Variants in FBXW10B observed in about 807,000 individuals in gnomAD.
FBXW10B encodes the protein F-box and WD repeat domain containing 10B, also known as F-box and WD repeat domain containing protein 10B.
the FBXW10B span, chr17:15,594,483 A>T: frequency 2.2e-6 from 1 of 453,730 alleles, no homozygotes; most frequent in Non-Finnish European, 3.9e-6. Flanking sequence ...AAAAAAAAAA[A>T]AAAATTCAAT....
chr17:15,607,504 G>A, the FBXW10B span: 13 of 1,426,662 alleles, frequency 9.1e-6, no homozygotes, highest in Non-Finnish European at 1.3e-5. Flanking sequence ...CAAAGGTCAG[G>A]GAAATCCCAA....
At chr17:15,603,637 T>G in the FBXW10B span, among the ~76,000 whole-genome samples, 1 of 151,928 alleles carries the variant, frequency 6.6e-6, no homozygotes, top group South Asian at 2.1e-4. Context: ...TGTAAATTAA[T>G]ACAACCACAT....
the FBXW10B span, chr17:15,612,703 T>G: frequency 1.2e-6 from 2 of 1,614,044 alleles, no homozygotes; most frequent in Non-Finnish European, 1.7e-6. Flanking sequence ...GAACCCACCT[T>G]CGTTCTCAAC....
the FBXW10B span, among the ~76,000 whole-genome samples, chr17:15,593,716 C>T: frequency 0.18 from 27,229 of 151,332 alleles, 2,806 homozygotes; most frequent in African/African-American, 0.27. Flanking sequence ...GCAACCTGCA[C>T]CTACCAGACA....
At chr17:15,596,348 G>A in the FBXW10B span, 12 of 607,756 alleles carry the variant, frequency 2.0e-5, no homozygotes, top group Non-Finnish European at 2.5e-5. Context: ...ACCCTCCACG[G>A]ACTCTGAATG....
At chr17:15,577,443 TGTGAGCTGTGAC>T in the FBXW10B span, among the ~76,000 whole-genome samples, 1 of 152,248 alleles carries the variant, frequency 6.6e-6, no homozygotes. Context: ...TTTCAAGCGT[TGTGAGCTGTGAC>T]AGTATTCCTA....
the FBXW10B span, chr17:15,612,736 G>A: frequency 1.2e-5 from 19 of 1,613,798 alleles, no homozygotes; most frequent in South Asian, 2.2e-5. Context: ...TGTTTCACAC[G>A]CATGCTCTTC....
chr17:15,611,272 T>C, the FBXW10B span, among the ~76,000 whole-genome samples: 6 of 152,196 alleles, frequency 3.9e-5, no homozygotes, highest in Admixed American at 3.9e-4. Context: ...TCCGCCCGCC[T>C]CGGCCTCCCA....
chr17:15,581,033 T>C, the FBXW10B span, among the ~76,000 whole-genome samples: 7 of 152,214 alleles, frequency 4.6e-5, no homozygotes, highest in African/African-American at 1.4e-4. Context: ...GCCTTCCCTA[T>C]TGTCTTTTTA....
At chr17:15,591,557 G>A in the FBXW10B span, among the ~76,000 whole-genome samples, 1 of 152,152 alleles carries the variant, frequency 6.6e-6, no homozygotes, top group Admixed American at 6.5e-5. Flanking sequence ...CAAAGTGCTG[G>A]AATTACAAGC....
chr17:15,593,218 A>G, the FBXW10B span: 1 of 1,508,708 alleles, frequency 6.6e-7, no homozygotes, highest in Non-Finnish European at 9.1e-7. Flanking sequence ...AATTGTAGAG[A>G]GGCATTGCAC....
the FBXW10B span, among the ~76,000 whole-genome samples, chr17:15,567,148 T>C: frequency 1.3e-5 from 2 of 151,550 alleles, no homozygotes; most frequent in South Asian, 4.2e-4. Flanking sequence ...GGCAGGCGCC[T>C]GTAATCCTAG....
the FBXW10B span, among the ~76,000 whole-genome samples, chr17:15,606,441 C>T: frequency 6.8e-6 from 1 of 148,074 alleles, no homozygotes; most frequent in Non-Finnish European, 1.5e-5. Context: ...GGAGGAGAAT[C>T]GCTTGAACCC....
the FBXW10B span, among the ~76,000 whole-genome samples, chr17:15,567,526 C>T: frequency 6.6e-6 from 1 of 151,964 alleles, no homozygotes; most frequent in African/African-American, 2.4e-5. Context: ...TTAGCCATTG[C>T]CCATTGATGG....
At chr17:15,597,100 T>C in the FBXW10B span, among the ~76,000 whole-genome samples, 1 of 151,974 alleles carries the variant, frequency 6.6e-6, no homozygotes, top group African/African-American at 2.4e-5. Context: ...GTTGTCATTT[T>C]TCCCAGATGT....
chr17:15,576,875 T>G, the FBXW10B span, among the ~76,000 whole-genome samples: 601 of 148,208 alleles, frequency 4.1e-3, 5 homozygotes, highest in African/African-American at 0.015. Context: ...ATTGTTTGGT[T>G]GGCATTATTA....
chr17:15,594,670 G>A, the FBXW10B span: 1,130 of 1,469,050 alleles, frequency 7.7e-4, 19 homozygotes, highest in East Asian at 0.022. Context: ...CAGAAGGTCT[G>A]CCAATGATTG....
chr17:15,615,133 T>C, the FBXW10B span, among the ~76,000 whole-genome samples: 1 of 151,616 alleles, frequency 6.6e-6, no homozygotes, highest in South Asian at 2.1e-4. Flanking sequence ...TTGATCAATT[T>C]AATCCTTGCT....
At chr17:15,618,683 A>T in the FBXW10B span, among the ~76,000 whole-genome samples, 44 of 152,254 alleles carry the variant, frequency 2.9e-4, no homozygotes, top group African/African-American at 1.1e-3. Flanking sequence ...AGCAGGAACG[A>T]CACCAGCATT....
Sources: gnomAD v4.1 joint callset for allele counts (sites outside exome capture counted in the v4.1 genomes callset) on GRCh38, gnomAD v4.1.1 for gene constraint, MANE v1.5 for transcripts, NCBI Gene and HGNC (gene_info 2026-07-23, HGNC 2026-07-21) for gene names.